GARRE1: variants seen among roughly 807,000 people sequenced by gnomAD.
The protein encoded by GARRE1 is granule associated Rac and RHOG effector protein 1.
In GARRE1, 49 loss-of-function variants were observed where a neutral mutation model predicts 103.2. The ratio of observed to expected loss-of-function variants is 0.47; its 90% CI spans 0.38 to 0.60. GARRE1 has a LOEUF of 0.60. Among genes scored for constraint, GARRE1 ranks in the 20% least tolerant of loss-of-function variants. GARRE1 has a pLI of 0.00. For synonymous variants in GARRE1, 505 were observed against 532.8 expected (o/e 0.95, Z 0.72); for missense variants, 1,199 against 1,370.5 (o/e 0.87, Z 1.98).
intron 1 of GARRE1, among the ~76,000 whole-genome samples, chr19:34,266,890 GT>G (rs34892471): frequency 2.4e-4 from 36 of 150,632 alleles, no homozygotes; most frequent in Admixed American, 7.3e-4. Flanking sequence ...ATAAATACTT[GT>G]TTTTTTTTCC....
At chr19:34,302,859 C>T (rs2073987816) in intron 2 of GARRE1, among the ~76,000 whole-genome samples, 2 of 151,850 alleles carry the variant, frequency 1.3e-5, no homozygotes, top group South Asian at 2.1e-4. Context: ...GTTCTCCTGC[C>T]TCAGCCTCCT....
chr19:34,300,375 T>G lies in GARRE1; in HGVS notation c.-99T>G. The stretch of plus-strand genomic sequence containing the variant: ...GAAATGCCTTTTTTAAAACTTCGAT[T>G]TGCAGAACTCCACTATTTTTATACC... On this transcript the variant is annotated 5_prime_UTR_variant, in exon 2 of 14. The change creates a new upstream start codon in the 5' untranslated region. Coordinates refer to ENST00000299505, the MANE Select transcript of GARRE1 (RefSeq NM_014686.5). 7.1e-7 allele frequency: 1 copy of G among 1,411,106 alleles called. No individual in the cohort carries two copies. The highest frequency in any genetic ancestry group is 9.5e-7 in the Non-Finnish European group (1 of 1,055,618). 87.4% of individuals were successfully genotyped at this position (1,411,106 alleles called of 1,614,324 possible).
chr19:34,290,124 A>C (rs944184112), intron 1 of GARRE1, among the ~76,000 whole-genome samples: 5 of 152,230 alleles, frequency 3.3e-5, no homozygotes, highest in African/African-American at 1.2e-4. Context: ...TGGGAGGCTG[A>C]GGCAGGAGGA....
chr19:34,331,642 A>G (rs1463316386), intron 7 of GARRE1, among the ~76,000 whole-genome samples: 1 of 152,130 alleles, frequency 6.6e-6, no homozygotes, highest in African/African-American at 2.4e-5. Context: ...TGTTTGCATC[A>G]CTGACCCATA....
intron 2 of GARRE1, among the ~76,000 whole-genome samples, chr19:34,313,032 G>C (rs2074044194): frequency 6.6e-6 from 1 of 152,198 alleles, no homozygotes; most frequent in Non-Finnish European, 1.5e-5. Flanking sequence ...CTCACTCCCT[G>C]GTAGTGCTAT....
intron 1 of GARRE1, among the ~76,000 whole-genome samples, chr19:34,281,764 GC>G (rs1194913895): frequency 6.6e-6 from 1 of 152,112 alleles, no homozygotes; most frequent in African/African-American, 2.4e-5. Context: ...GTGTGGCTGT[GC>G]CACTAATTTG....
chr19:34,306,880 C>G (rs2074009616), intron 2 of GARRE1, among the ~76,000 whole-genome samples: 1 of 152,048 alleles, frequency 6.6e-6, no homozygotes, highest in South Asian at 2.1e-4. Flanking sequence ...TGACAGAAAT[C>G]TCTCCCTTCA....
At chr19:34,312,639 G>A (rs1345407606) in intron 2 of GARRE1, among the ~76,000 whole-genome samples, 3 of 152,076 alleles carry the variant, frequency 2.0e-5, no homozygotes, top group Admixed American at 1.3e-4. Flanking sequence ...TCTTTTTAAA[G>A]GCTGTGGCCG....
chr19:34,339,765 C>G, intron 8 of GARRE1, 102 bp from the exon 9 acceptor site: 1 of 1,418,598 alleles, frequency 7.0e-7, no homozygotes, highest in African/African-American at 1.4e-5. Flanking sequence ...TTTTGCTGGG[C>G]GCCAGAGGTA....
At chr19:34,313,858 T>C (rs2074047933) in intron 2 of GARRE1, among the ~76,000 whole-genome samples, 1 of 152,198 alleles carries the variant, frequency 6.6e-6, no homozygotes, top group Non-Finnish European at 1.5e-5. Context: ...TGGAGTGCAG[T>C]GATGTGATCT....
intron 10 of GARRE1, among the ~76,000 whole-genome samples, chr19:34,343,104 AATTTATTCTAAGCTTG>A (rs2074194914): frequency 6.6e-6 from 1 of 152,232 alleles, no homozygotes; most frequent in Non-Finnish European, 1.5e-5. Context: ...TGTATAAGCC[AATTTATTCTAAGCTTG>A]ATTAAGGGAG....
intron 7 of GARRE1, 132 bp downstream of exon 7, chr19:34,330,479 A>C (rs774525208): frequency 1.2e-6 from 1 of 855,224 alleles, no homozygotes; most frequent in Non-Finnish European, 1.8e-6. Flanking sequence ...AATTTAGACC[A>C]GGCAGGTAGA....
At chr19:34,294,712 A>G (rs911658105) in intron 1 of GARRE1, among the ~76,000 whole-genome samples, 2 of 151,608 alleles carry the variant, frequency 1.3e-5, no homozygotes, top group African/African-American at 4.9e-5. Context: ...ATTTTATTTT[A>G]TTATTATTTT....
chr19:34,300,648 G>A lies in GARRE1; in HGVS notation c.175G>A (p.Ala59Thr), dbSNP rs368671239. The change falls in exon 2 of 14, where the codon GCT becomes ACT. Residue 59 changes from alanine to threonine, a missense_variant. Transcript: ENST00000299505. ...CACTGCCCCCCTGGGCAGTCTGACC[G>A]CTGCAGGCAGCTGCCACCATGCCAT... ...ATTAPLGSLT[A>T]AGSCHHAMPH... The A allele has an allele frequency of 2.5e-5, 41 of 1,613,594 alleles. No individual in the cohort carries two copies. The highest frequency in any genetic ancestry group is 3.3e-5 in the Non-Finnish European group (39 of 1,180,024).
intron 2 of GARRE1, among the ~76,000 whole-genome samples, chr19:34,304,869 G>T (rs184124146): frequency 6.6e-6 from 1 of 151,694 alleles, no homozygotes; most frequent in East Asian, 1.9e-4. Flanking sequence ...TCGGCTCACT[G>T]CAAGCTCTGC....
intron 3 of GARRE1, among the ~76,000 whole-genome samples, chr19:34,322,843 C>T (rs973142070): frequency 3.9e-5 from 6 of 151,990 alleles, no homozygotes; most frequent in African/African-American, 1.5e-4. Context: ...CTGACTCGGC[C>T]TCCCAAAGTG....
At position 34,355,361 on chromosome 19, in the gene GARRE1, A is replaced by C. The variant is rs534205871; in HGVS notation, c.*2406A>C. The C allele has an allele frequency of 1.3e-5, 2 of 152,776 alleles. No homozygotes were observed. 9.5% of individuals were successfully genotyped at this position (152,776 alleles called of 1,614,324 possible). A position where few individuals can be genotyped will look rare whatever the true frequency, so the allele number is the denominator to read the frequency against. On this transcript the variant is annotated 3_prime_UTR_variant, in exon 14 of 14. Transcript: ENST00000299505. ...TAATTCCAGGTGCTGCGCTTGGCAGAGGGGTCTCGCCAAAGCGCATGTGTG... is the reference window on the plus strand; with the variant it reads ...TAATTCCAGGTGCTGCGCTTGGCAGCGGGGTCTCGCCAAAGCGCATGTGTG...
chr19:34,324,405 A>T lies in GARRE1; in HGVS notation c.706-3016A>T, dbSNP rs1318849209. ...TATTATTGAAGTATTTCAGGCACAT[A>T]GAACATTTCACACCCATCAGTGTAT... On this transcript the variant is annotated intron_variant, in intron 3 of 13. Transcript: ENST00000299505. 2.0e-5 allele frequency among the ~76,000 whole-genome samples: 3 copies of T among 152,156 alleles called. No homozygotes were observed. The East Asian group carries it at 5.8e-4, about 29-fold the overall frequency.
intron 1 of GARRE1, chr19:34,296,587 C>T: frequency 1.3e-6 from 2 of 1,570,762 alleles, no homozygotes; most frequent in Non-Finnish European, 8.6e-7. Flanking sequence ...TTCTTGAGGC[C>T]CTTCTTGTGC....
Sources: allele counts gnomAD v4.1 joint callset (sites outside exome capture counted in the v4.1 genomes callset), GRCh38; gene constraint gnomAD v4.1.1; transcripts MANE v1.5; gene names NCBI Gene and HGNC (gene_info 2026-07-23, HGNC 2026-07-21).